The following SORCS1 variants were observed in gnomAD, a reference collection of about 807,000 sequenced individuals.
SORCS1 encodes the protein sortilin related VPS10 domain containing receptor 1, also known as VPS10 domain-containing receptor SorCS1.
SORCS1 carries 60 observed loss-of-function variants against 146.1 expected under a neutral mutation model. The observed-to-expected ratio is 0.41, with a 90% confidence interval of 0.33 to 0.51. The LOEUF is 0.51. Among genes scored for constraint, SORCS1 ranks in the 20% least tolerant of loss-of-function variants. SORCS1 has a pLI of 0.21. For missense variants in SORCS1, 1,352 were observed against 1,487.6 expected (o/e 0.91, Z 1.50); for synonymous variants, 637 against 584.0 (o/e 1.09, Z -1.31).
intron 17 of SORCS1, among the ~76,000 whole-genome samples, chr10:106,655,976 C>T (rs1850252862): frequency 6.6e-6 from 1 of 152,176 alleles, no homozygotes; most frequent in South Asian, 2.1e-4. Flanking sequence ...CTGAATATTA[C>T]TGGGATGCAT....
rs1047268152 is a variant in SORCS1 at position 106,671,255 on chromosome 10, G to T, written c.2171C>A (p.Thr724Asn). The change falls in exon 16 of 26, where the codon ACT becomes AAT. Residue 724 changes from threonine (T) to asparagine (N), a missense_variant. Transcript: ENST00000263054. ...AGCTCACCAATCAAAATCAGCCTCA[G>T]TGCAGACACAGGGTTCAGATTCCAT... ...GAMESEPCVC[T>N]EADFDCDYGY... 2 of 1,614,002 alleles carry T rather than the reference G, an allele frequency of 1.2e-6. No individual in the cohort carries two copies. The highest frequency in any genetic ancestry group is 1.3e-5 in the African/African-American group (1 of 74,922).
chr10:106,714,046 G>C (rs1855183370), intron 6 of SORCS1, among the ~76,000 whole-genome samples: 2 of 129,018 alleles, frequency 1.6e-5, no homozygotes, highest in African/African-American at 2.9e-5. Flanking sequence ...TGAGACAGCA[G>C]AATCACTTTA....
intron 2 of SORCS1, among the ~76,000 whole-genome samples, chr10:106,869,115 C>T (rs2137549224): frequency 6.6e-6 from 1 of 152,248 alleles, no homozygotes; most frequent in Non-Finnish European, 1.5e-5. Flanking sequence ...TTTGTGGACA[C>T]ATACACCCTC....
intron 2 of SORCS1, among the ~76,000 whole-genome samples, chr10:106,903,671 T>C (rs1951806779): frequency 6.6e-6 from 1 of 152,232 alleles, no homozygotes; most frequent in Non-Finnish European, 1.5e-5. Flanking sequence ...AATGTATTTT[T>C]AATTACCTTT....
chr10:106,782,629 T>C (rs1221765045), intron 3 of SORCS1, among the ~76,000 whole-genome samples: 2 of 152,170 alleles, frequency 1.3e-5, no homozygotes, highest in Non-Finnish European at 2.9e-5. Context: ...TGGAAGATGA[T>C]TCAAAAAAGA....
intron 1 of SORCS1, among the ~76,000 whole-genome samples, chr10:107,155,311 C>T (rs978487559): frequency 6.6e-6 from 1 of 152,196 alleles, no homozygotes; most frequent in Non-Finnish European, 1.5e-5. Flanking sequence ...CTCTTAAACT[C>T]ATGTGCAAAT....
intron 9 of SORCS1, among the ~76,000 whole-genome samples, chr10:106,696,811 A>G (rs1853739114): frequency 1.3e-5 from 2 of 152,216 alleles, no homozygotes; most frequent in Admixed American, 6.5e-5. Flanking sequence ...TCATTTTTTC[A>G]TCATCAAGGG....
intron 2 of SORCS1, among the ~76,000 whole-genome samples, chr10:106,926,427 A>G (rs536465979): frequency 2.6e-5 from 4 of 152,308 alleles, no homozygotes; most frequent in African/African-American, 9.6e-5. Flanking sequence ...CAACTGTCTC[A>G]TCTGAAAAGT....
chr10:106,775,222 C>A (rs1860338497), intron 4 of SORCS1, among the ~76,000 whole-genome samples: 1 of 152,214 alleles, frequency 6.6e-6, no homozygotes, highest in Non-Finnish European at 1.5e-5. Context: ...AATGTAACAA[C>A]CCTGTGGATT....
At chr10:107,061,966 T>C (rs1287502919) in intron 1 of SORCS1, among the ~76,000 whole-genome samples, 1 of 152,182 alleles carries the variant, frequency 6.6e-6, no homozygotes, top group East Asian at 1.9e-4. Flanking sequence ...TTACTCTGCA[T>C]TAGACACTGT....
intron 2 of SORCS1, among the ~76,000 whole-genome samples, chr10:106,934,735 A>C (rs549480655): frequency 1.3e-5 from 2 of 152,334 alleles, no homozygotes; most frequent in East Asian, 3.9e-4. Context: ...TCAGCCATAA[A>C]AAAGAACAAA....
intron 24 of SORCS1, among the ~76,000 whole-genome samples, chr10:106,588,635 G>A (rs1261715498): frequency 1.3e-5 from 2 of 151,908 alleles, no homozygotes; most frequent in Non-Finnish European, 2.9e-5. Context: ...GCCAAGGTGG[G>A]CAGATCACGA....
intron 2 of SORCS1, among the ~76,000 whole-genome samples, chr10:106,877,220 C>A (rs1229283501): frequency 6.6e-6 from 1 of 152,108 alleles, no homozygotes; most frequent in Non-Finnish European, 1.5e-5. Context: ...CAAACTCAGG[C>A]TGGTTAATGG....
intron 19 of SORCS1, among the ~76,000 whole-genome samples, chr10:106,628,084 G>A (rs1389632906): frequency 2.0e-5 from 3 of 152,210 alleles, no homozygotes; most frequent in Non-Finnish European, 2.9e-5. Flanking sequence ...TAGGCAGATT[G>A]AGTTGGCATA....
chr10:106,938,534 C>A (rs1034619335), intron 2 of SORCS1, among the ~76,000 whole-genome samples: 1 of 152,218 alleles, frequency 6.6e-6, no homozygotes, highest in African/African-American at 2.4e-5. Flanking sequence ...ATGCACCCTG[C>A]ATCCTGCAGT....
intron 1 of SORCS1, among the ~76,000 whole-genome samples, chr10:107,163,092 C>T (rs1969828089): frequency 1.3e-5 from 2 of 152,224 alleles, no homozygotes; most frequent in Admixed American, 6.5e-5. Flanking sequence ...AAATCTAAAA[C>T]CTTTCCTGAT....
chr10:106,703,310 T>C (rs1471918484), intron 8 of SORCS1, among the ~76,000 whole-genome samples: 2 of 152,178 alleles, frequency 1.3e-5, no homozygotes, highest in African/African-American at 4.8e-5. Context: ...ACCTGCATCC[T>C]GGTCCACATC....
At chr10:106,739,770 T>C (rs1287325850) in intron 5 of SORCS1, among the ~76,000 whole-genome samples, 1 of 151,790 alleles carries the variant, frequency 6.6e-6, no homozygotes, top group African/African-American at 2.4e-5. Flanking sequence ...GCTAATGTGG[T>C]GAAACCCCGT....
chr10:106,922,340 A>G (rs1377490103), intron 2 of SORCS1, among the ~76,000 whole-genome samples: 1 of 152,240 alleles, frequency 6.6e-6, no homozygotes, highest in Admixed American at 6.5e-5. Flanking sequence ...TGACTTCTCA[A>G]CATGAAGACT....
Sources: gnomAD v4.1 joint callset for allele counts (sites outside exome capture counted in the v4.1 genomes callset) on GRCh38, gnomAD v4.1.1 for gene constraint, MANE v1.5 for transcripts, NCBI Gene and HGNC (gene_info 2026-07-23, HGNC 2026-07-21) for gene names.